The following RPL26L1 variants were observed in gnomAD, a reference collection of about 807,000 sequenced individuals.
RPL26L1 encodes the protein ribosomal protein L26 like 1.
RPL26L1 carries 8 observed loss-of-function variants against 15.2 expected under a neutral mutation model. That is an observed-to-expected ratio of 0.53 (90% CI 0.31 to 0.95). The LOEUF is 0.95. Ranked by LOEUF, RPL26L1 falls within the 40% of genes least tolerant of loss-of-function variation. RPL26L1 has a pLI of 0.05. For synonymous variants in RPL26L1, 51 were observed against 65.9 expected (o/e 0.77, Z 1.09); for missense variants, 146 against 190.9 (o/e 0.76, Z 1.39).
chr5:172,964,965 C>T (rs2113541905), intron 2 of RPL26L1, among the ~76,000 whole-genome samples: 1 of 152,334 alleles, frequency 6.6e-6, no homozygotes, highest in South Asian at 2.1e-4. Flanking sequence ...AGGTGGATCG[C>T]TTGAGGCCAG....
chr5:172,968,803 C>CTGTTTT (rs1755573264), intron 3 of RPL26L1, among the ~76,000 whole-genome samples: 1 of 74,348 alleles, frequency 1.3e-5, no homozygotes, highest in African/African-American at 5.6e-5. Flanking sequence ...ATGGCTGTGT[C>CTGTTTT]TTTTTTTTTT....
At chr5:172,961,963 A>G (rs1755246654) in intron 2 of RPL26L1, among the ~76,000 whole-genome samples, 1 of 151,820 alleles carries the variant, frequency 6.6e-6, no homozygotes, top group Non-Finnish European at 1.5e-5. Flanking sequence ...ATCCAACTCT[A>G]CTCCCATCTT....
upstream of RPL26L1, chr5:172,959,408 C>G (rs1005873725): frequency 1.0e-6 from 1 of 1,004,806 alleles, no homozygotes; most frequent in Non-Finnish European, 1.2e-6. Context: ...TCTGCGCTTG[C>G]GCGGCACGGA....
chr5:172,957,555 G>A, upstream of RPL26L1: 1 of 281,852 alleles, frequency 3.5e-6, no homozygotes, highest in Non-Finnish European at 7.1e-6. Context: ...GTAAATAAGT[G>A]GGTGAATGAC....
At chr5:172,960,091 C>A (rs73803681) in intron 2 of RPL26L1, 50 bp downstream of exon 2, 1 of 1,604,960 alleles carries the variant, frequency 6.2e-7, no homozygotes, top group South Asian at 1.1e-5. Flanking sequence ...TGCCTAAGAA[C>A]GTCATGCGTG....
chr5:172,955,160 G>A, upstream of RPL26L1: 1 of 350,722 alleles, frequency 2.9e-6, no homozygotes, highest in South Asian at 2.1e-5. Flanking sequence ...TTTTGAGACG[G>A]AGTCATTGCC....
rs756778842 is a variant in RPL26L1 at position 172,968,509 on chromosome 5, G to A, written c.219G>A (p.Val73=). Residue 73 remains valine, a synonymous_variant, in exon 3 of 4, where the codon GTG becomes GTA. Transcript: ENST00000265100. ...AGCAAATTGGCAAGGTAGTCCAGGT[G>A]TACAGAAAGAAATATGTCATCTACA... ...KGQQIGKVVQ[V]YRKKYVIYIE... The A allele has an allele frequency of 5.6e-6, 9 of 1,614,162 alleles. No homozygotes were observed. In the South Asian group the frequency reaches 9.9e-5, roughly 18 times the overall value.
At chr5:172,958,391 T>C (rs1323019852), upstream of RPL26L1, 3 of 456,110 alleles carry the variant, frequency 6.6e-6, no homozygotes, top group African/African-American at 4.0e-5. Flanking sequence ...GCTGCTGTAC[T>C]TGCAAGACAT....
chr5:172,960,070 T>A, intron 2 of RPL26L1, 29 bp downstream of exon 2: 1 of 1,613,390 alleles, frequency 6.2e-7, no homozygotes, highest in Non-Finnish European at 8.5e-7. Context: ...CTAGTGGCGC[T>A]CGGACACCGT....
chr5:172,968,326 A>C (rs1021702713), intron 2 of RPL26L1, 133 bp from the exon 3 acceptor site: 2 of 1,151,354 alleles, frequency 1.7e-6, no homozygotes. Flanking sequence ...AAAAGTAGCT[A>C]ATTTTTGACT....
rs1755176220 is a variant in RPL26L1, at chr5:172,960,191, A to G, written c.168+150A>G. The G allele has an allele frequency of 4.8e-6, 4 of 833,922 alleles. No individual in the cohort carries two copies. The South Asian group carries it at 5.9e-5, about 12-fold the overall frequency. 51.7% of individuals were successfully genotyped at this position (833,922 alleles called of 1,614,324 possible). ...GCCAGAGATAGGGTTCAGAGCCACC[A>G]GAGAGTGCCTGCGTTGCTTTAGAGC... is the stretch of plus-strand genomic sequence containing the variant. On this transcript the variant is annotated intron_variant, in intron 2 of 3. Transcript: ENST00000265100.
intron 3 of RPL26L1, 103 bp downstream of exon 3, chr5:172,968,702 C>A: frequency 7.7e-7 from 1 of 1,297,968 alleles, no homozygotes; most frequent in Non-Finnish European, 1.1e-6. Flanking sequence ...TGAGGCAGGC[C>A]AGGTGGACTT....
chr5:172,956,218 C>G (rs1415414835), upstream of RPL26L1, among the ~76,000 whole-genome samples: 2 of 152,170 alleles, frequency 1.3e-5, no homozygotes, highest in Non-Finnish European at 2.9e-5. Context: ...CAGAGATGAT[C>G]ATTTAATGAT....
intron 2 of RPL26L1, among the ~76,000 whole-genome samples, chr5:172,965,930 A>G (rs1000852051): frequency 2.0e-5 from 3 of 152,104 alleles, no homozygotes; most frequent in African/African-American, 7.2e-5. Flanking sequence ...TCCTCCTAAA[A>G]TACGGGGCTT....
chr5:172,956,216 A>T (rs72814120), upstream of RPL26L1, among the ~76,000 whole-genome samples: 2 of 152,196 alleles, frequency 1.3e-5, no homozygotes, highest in Admixed American at 6.5e-5. Context: ...ATCAGAGATG[A>T]TCATTTAATG....
chr5:172,967,576 A>T (rs1196171000), intron 2 of RPL26L1, among the ~76,000 whole-genome samples: 2 of 152,028 alleles, frequency 1.3e-5, no homozygotes, highest in Non-Finnish European at 2.9e-5. Context: ...GAGATTTAAA[A>T]TTTTTTTTCT....
upstream of RPL26L1, chr5:172,957,190 G>A (rs1369993196): frequency 2.2e-6 from 1 of 456,244 alleles, no homozygotes; most frequent in South Asian, 1.5e-5. Context: ...TTGAGTTCCT[G>A]CGCATGTTTC....
At chr5:172,954,827 T>G (rs1764320079), upstream of RPL26L1, 1 of 406,008 alleles carries the variant, frequency 2.5e-6, no homozygotes, top group Admixed American at 3.1e-5. Context: ...TTCAATGAAC[T>G]TTTCCAATTG....
At chr5:172,965,820 G>A (rs759172567) in intron 2 of RPL26L1, among the ~76,000 whole-genome samples, 3 of 152,090 alleles carry the variant, frequency 2.0e-5, no homozygotes, top group Admixed American at 6.6e-5. Context: ...TGACTCCCAC[G>A]TCTCTATTGC....
Sources: gnomAD v4.1 joint callset for allele counts (sites outside exome capture counted in the v4.1 genomes callset) on GRCh38, gnomAD v4.1.1 for gene constraint, MANE v1.5 for transcripts, NCBI Gene and HGNC (gene_info 2026-07-23, HGNC 2026-07-21) for gene names.